Variants in PALM2AKAP2 observed in about 807,000 individuals in gnomAD.
The protein encoded by PALM2AKAP2 is PALM2-AKAP2 fusion protein.
A neutral mutation model predicts 71.5 loss-of-function variants in PALM2AKAP2; 37 were observed. That is an observed-to-expected ratio of 0.52 (90% CI 0.40 to 0.68). The LOEUF (loss-of-function observed/expected upper bound fraction) is 0.68. Among genes scored for constraint, PALM2AKAP2 ranks in the 30% least tolerant of loss-of-function variants. PALM2AKAP2 has a pLI of 0.00. For synonymous variants in PALM2AKAP2, 468 were observed against 478.8 expected, an observed-to-expected ratio of 0.98 and a Z score of 0.29; for missense variants, 1,224 against 1,191.8, an observed-to-expected ratio of 1.03 and a Z score of -0.40.
chr9:109,756,007 C>A (rs1490971567), intron 1 of PALM2AKAP2, among the ~76,000 whole-genome samples: 1 of 152,118 alleles, frequency 6.6e-6, no homozygotes, highest in Non-Finnish European at 1.5e-5. Flanking sequence ...CTTCCTTATA[C>A]ATAAACCCTT....
At chr9:109,872,143 A>G (rs1829615164) in intron 2 of PALM2AKAP2, among the ~76,000 whole-genome samples, 1 of 152,114 alleles carries the variant, frequency 6.6e-6, no homozygotes. Context: ...TTTAATCCCT[A>G]TAGCTTTTTA....
chr9:109,757,375 C>T (rs541190567), intron 1 of PALM2AKAP2, among the ~76,000 whole-genome samples: 1 of 152,192 alleles, frequency 6.6e-6, no homozygotes, highest in East Asian at 1.9e-4. Flanking sequence ...ATATAATAAC[C>T]TTGTTTGAAA....
chr9:110,142,386 C>CCTGG (rs1171917001), intron 2 of PALM2AKAP2, among the ~76,000 whole-genome samples: 1 of 152,152 alleles, frequency 6.6e-6, no homozygotes, highest in East Asian at 1.9e-4. Context: ...AGCCACTGCA[C>CCTGG]CTGGCCCTTA....
Position 110,063,724 on chromosome 9 carries a change from G to A in PALM2AKAP2, c.156+14869G>A, listed in dbSNP as rs568123151. On this transcript the variant is annotated intron_variant, in intron 1 of 3. Coordinates refer to ENST00000374525, the Ensembl canonical transcript of PALM2AKAP2. The stretch of plus-strand genomic sequence containing the variant: ...CTCCCAAACTGCTGGGATTACAGGC[G>A]TGAGCCACCACGCTTGGCTCAAATT... Among the ~76,000 whole-genome samples, 10 of 152,236 alleles carry A rather than the reference G, an allele frequency of 6.6e-5. 1 individual carries two copies. Among genetic ancestry groups the A allele is most frequent in the South Asian group, 4.1e-4 (2 of 4,828 alleles).
chr9:109,823,107 G>T (rs550296345), intron 1 of PALM2AKAP2, among the ~76,000 whole-genome samples: 97 of 152,246 alleles, frequency 6.4e-4, no homozygotes, highest in African/African-American at 2.3e-3. Flanking sequence ...ATGGCCAGAG[G>T]TCATATTGTT....
At chr9:109,843,114 T>C (rs1187569070) in intron 1 of PALM2AKAP2, among the ~76,000 whole-genome samples, 4 of 111,488 alleles carry the variant, frequency 3.6e-5, no homozygotes, top group African/African-American at 1.5e-4. Context: ...CACTCCAGCC[T>C]GGGCAACAGG....
intron 1 of PALM2AKAP2, among the ~76,000 whole-genome samples, chr9:109,656,145 G>A (rs1410155198): frequency 6.6e-6 from 1 of 152,154 alleles, no homozygotes; most frequent in Admixed American, 6.5e-5. Context: ...GCAAAAAGTG[G>A]GTATGGGCAA....
intron 1 of PALM2AKAP2, among the ~76,000 whole-genome samples, chr9:109,831,391 T>C (rs925508969): frequency 6.6e-6 from 1 of 152,140 alleles, no homozygotes; most frequent in African/African-American, 2.4e-5. Flanking sequence ...AAGATGTTGA[T>C]GGTTTGAGGT....
At chr9:109,917,438 CAGGA>C (rs1830718426) in intron 3 of PALM2AKAP2, among the ~76,000 whole-genome samples, 1 of 150,556 alleles carries the variant, frequency 6.6e-6, no homozygotes, top group South Asian at 2.1e-4. Context: ...CTGTACCTGG[CAGGA>C]AGGAAGGAAA....
chr9:109,982,106 A>T (rs1287477315), intron 6 of PALM2AKAP2, among the ~76,000 whole-genome samples: 3 of 152,236 alleles, frequency 2.0e-5, no homozygotes, highest in Admixed American at 2.0e-4. Context: ...ACAATGGAGT[A>T]CTATTCAGCC....
intron 1 of PALM2AKAP2, among the ~76,000 whole-genome samples, chr9:109,812,788 A>C (rs562280662): frequency 6.6e-6 from 1 of 152,276 alleles, no homozygotes; most frequent in South Asian, 2.1e-4. Context: ...CCAGGCCATT[A>C]GTCCTGATTC....
chr9:109,722,994 T>G (rs1828427341), intron 1 of PALM2AKAP2, among the ~76,000 whole-genome samples: 1 of 152,136 alleles, frequency 6.6e-6, no homozygotes, highest in Non-Finnish European at 1.5e-5. Flanking sequence ...TAGTTCCAAT[T>G]CTACCCAACT....
chr9:110,052,609 G>T (rs55951828), intron 1 of PALM2AKAP2, among the ~76,000 whole-genome samples: 25 of 152,308 alleles, frequency 1.6e-4, no homozygotes, highest in African/African-American at 5.8e-4. Flanking sequence ...GAGTATTAAA[G>T]AAATGGGGTA....
At position 110,014,800 on chromosome 9, in the gene PALM2AKAP2, AAAAATGTATATATATATATATATATATAT is replaced by A. The variant is rs1832944365; in HGVS notation, c.497-1152_497-1124del. Among the ~76,000 whole-genome samples the A allele has an allele frequency of 7.7e-5, 4 of 51,700 alleles. 1 individual carries two copies. Among genetic ancestry groups the A allele is most frequent in the Admixed American group, 2.9e-4 (1 of 3,414 alleles). 33.9% of individuals were successfully genotyped at this position (51,700 alleles called of 152,430 possible). A position where few individuals can be genotyped will look rare whatever the true frequency, so the allele number is the denominator to read the frequency against. Reference sequence around the variant, plus strand: ...GTCTCAAAAAAAAAAAAAAAAAAAAAAAAATGTATATATATATATATATATATATATATATATATATATATATATATACA... The same window carrying A: ...GTCTCAAAAAAAAAAAAAAAAAAAAAATATATATATATATATATATATACA... On this transcript the variant is annotated intron_variant, in intron 6 of 9. Transcript: ENST00000302798.
chr9:110,004,533 T>A (rs945868504), intron 6 of PALM2AKAP2, among the ~76,000 whole-genome samples: 4 of 152,156 alleles, frequency 2.6e-5, no homozygotes, highest in Non-Finnish European at 4.4e-5. Flanking sequence ...TCGAGGAGTA[T>A]CTTTTTGGCA....
At chr9:109,642,844 C>CT (rs11446176) in intron 1 of PALM2AKAP2, among the ~76,000 whole-genome samples, 34,036 of 139,440 alleles carry the variant, frequency 0.24, 4,843 homozygotes, top group Non-Finnish European at 0.33. Flanking sequence ...CATGCCCAGT[C>CT]TTTTTTTTTT....
intron 1 of PALM2AKAP2, among the ~76,000 whole-genome samples, chr9:109,791,815 A>G (rs1248684952): frequency 6.6e-6 from 1 of 152,202 alleles, no homozygotes; most frequent in Non-Finnish European, 1.5e-5. Flanking sequence ...TGCTTTTCCA[A>G]GAGAACCTGG....
At chr9:109,698,521 T>A (rs1828006807) in intron 1 of PALM2AKAP2, among the ~76,000 whole-genome samples, 1 of 152,168 alleles carries the variant, frequency 6.6e-6, no homozygotes, top group African/African-American at 2.4e-5. Flanking sequence ...TCAAGTGATC[T>A]GCCAGCCTCG....
chr9:109,719,517 AG>A (rs1373477866), intron 1 of PALM2AKAP2, among the ~76,000 whole-genome samples: 1 of 152,166 alleles, frequency 6.6e-6, no homozygotes, highest in Non-Finnish European at 1.5e-5. Context: ...AACACTCAGG[AG>A]TTTAATTGAG....
Sources: gnomAD v4.1 joint callset for allele counts (sites outside exome capture counted in the v4.1 genomes callset) on GRCh38, gnomAD v4.1.1 for gene constraint, MANE v1.5 for transcripts, NCBI Gene and HGNC (gene_info 2026-07-23, HGNC 2026-07-21) for gene names.